MOSPD2: variants seen among roughly 807,000 people sequenced by gnomAD.
The protein encoded by MOSPD2 is motile sperm domain-containing protein 2.
In MOSPD2, 5 loss-of-function variants were observed where a neutral mutation model predicts 41.7. That is an observed-to-expected ratio of 0.12 (90% CI 0.06 to 0.25). The LOEUF is 0.25. Ranked by LOEUF, MOSPD2 falls within the 10% of genes least tolerant of loss-of-function variation. The pLI is 1.00. For missense variants in MOSPD2, 282 were observed against 375.2 expected, an observed-to-expected ratio of 0.75 and a Z score of 2.05; for synonymous variants, 115 against 126.9, an observed-to-expected ratio of 0.91 and a Z score of 0.63.
chrX:14,874,046 G>T, intron 2 of MOSPD2: 1 of 357,331 alleles, frequency 2.8e-6, no homozygotes, highest in Non-Finnish European at 4.9e-6. Flanking sequence ...TACTTGTTAG[G>T]CCCACAACAC....
chrX:14,916,398 C>A, intron 13 of MOSPD2, 72 bp downstream of exon 13: 1 of 1,179,999 alleles, frequency 8.5e-7, no homozygotes, highest in South Asian at 1.9e-5. Context: ...CTCCATGGAC[C>A]AGGTGGCCTC....
intron 6 of MOSPD2, among the ~76,000 whole-genome samples, chrX:14,901,513 T>A (rs1400146458): frequency 9.0e-6 from 1 of 111,428 alleles, no homozygotes; most frequent in East Asian, 2.8e-4. Flanking sequence ...AAGTGAGGAA[T>A]AGACAAAAAG....
chrX:14,919,567 G>A, intron 14 of MOSPD2, 105 bp from the exon 15 acceptor site: 1 of 616,118 alleles, frequency 1.6e-6, no homozygotes, highest in Non-Finnish European at 2.6e-6. Context: ...AGAGTAGTGG[G>A]CCCCATCCTT....
rs767688089 is a variant in MOSPD2 at position 14,900,590 on chromosome X, C to T, written c.493C>T (p.Arg165Cys). Residue 165 changes from arginine to cysteine, a missense_variant, in exon 6 of 15, where the codon CGC becomes TGC. Coordinates refer to ENST00000380492, the MANE Select transcript of MOSPD2 (RefSeq NM_152581.4). The part of the protein sequence containing the change: ...GINSIDMDFV[R>C]FIINCFKVYY... ...TTTATTTTAGGACATGGACTTTGTACGCTTTATCATCAACTGCTTTAAGGT... is the reference window on the plus strand; with the variant it reads ...TTTATTTTAGGACATGGACTTTGTATGCTTTATCATCAACTGCTTTAAGGT... 8 of 1,131,627 alleles carry T rather than the reference C, an allele frequency of 7.1e-6. No homozygotes were observed. Among genetic ancestry groups the T allele is most frequent in the Admixed American group, 2.4e-5 (1 of 41,192 alleles). The allele number at this position is 1,131,627 out of a possible 1,213,427, so 93.3% of individuals were successfully genotyped here. A position where few individuals can be genotyped will look rare whatever the true frequency, so the allele number is the denominator to read the frequency against.
chrX:14,920,534 GAA>G lies in MOSPD2; in HGVS notation c.*728_*729del. ...TGAATTCTGTTAGTAATGCCCAAAA[GAA>G]AAGTCTCAAGCAGTCCCCCTATCCA... On this transcript the variant is annotated 3_prime_UTR_variant, in exon 15 of 15. Transcript: ENST00000380492. 1.3e-6 allele frequency: 1 copy of G among 754,229 alleles called. No homozygotes were observed. Among genetic ancestry groups the G allele is most frequent in the Non-Finnish European group, 1.6e-6 (1 of 639,217 alleles). The allele number at this position is 754,229 out of a possible 1,213,427, so 62.2% of individuals were successfully genotyped here.
intron 2 of MOSPD2, among the ~76,000 whole-genome samples, chrX:14,877,936 C>A (rs2092524292): frequency 9.3e-6 from 1 of 107,156 alleles, no homozygotes; most frequent in African/African-American, 3.4e-5. Flanking sequence ...ACAGATCACA[C>A]CACTGCACTC....
intron 2 of MOSPD2, among the ~76,000 whole-genome samples, chrX:14,880,575 C>T (rs776950444): frequency 1.8e-5 from 2 of 111,771 alleles, no homozygotes; most frequent in African/African-American, 3.2e-5. Flanking sequence ...TAGCTCTGAA[C>T]ATGTCACCAT....
At chrX:14,881,660 G>A (rs1182189084) in intron 2 of MOSPD2, among the ~76,000 whole-genome samples, 1 of 111,678 alleles carries the variant, frequency 9.0e-6, no homozygotes, top group African/African-American at 3.3e-5. Context: ...AAGTGAGGAA[G>A]CCTTTAAAAG....
intron 2 of MOSPD2, among the ~76,000 whole-genome samples, chrX:14,875,236 A>T (rs12844914): frequency 8.9e-6 from 1 of 112,372 alleles, no homozygotes; most frequent in Non-Finnish European, 1.9e-5. Flanking sequence ...CACTACAGTA[A>T]TCTTTTGGCA....
At chrX:14,873,577 G>A in intron 1 of MOSPD2, 40 bp downstream of exon 1, 3 of 1,211,532 alleles carry the variant, frequency 2.5e-6, no homozygotes, top group Non-Finnish European at 3.4e-6. Context: ...CCCCGGACCC[G>A]GAAGCCGCCT....
intron 3 of MOSPD2, 64 bp downstream of exon 3, chrX:14,892,942 A>T (rs1202738174): frequency 1.2e-6 from 1 of 833,380 alleles, no homozygotes; most frequent in Non-Finnish European, 1.7e-6. Flanking sequence ...TTTTACATTT[A>T]TCTAATCATG....
intron 2 of MOSPD2, among the ~76,000 whole-genome samples, chrX:14,888,557 C>G: frequency 9.0e-6 from 1 of 111,387 alleles, no homozygotes; most frequent in East Asian, 2.8e-4. Context: ...CCATGTGGAA[C>G]TGTAAGTCCA....
intron 2 of MOSPD2, among the ~76,000 whole-genome samples, chrX:14,883,665 C>T (rs1042103493): frequency 2.7e-5 from 3 of 111,974 alleles, no homozygotes; most frequent in Non-Finnish European, 3.8e-5. Context: ...ATAGGACATT[C>T]ACAGACTATT....
chrX:14,882,994 A>G (rs928600342), intron 2 of MOSPD2, among the ~76,000 whole-genome samples: 6 of 110,783 alleles, frequency 5.4e-5, no homozygotes, highest in Non-Finnish European at 9.5e-5. Context: ...CAGAAGTTCA[A>G]GACCAGCCTG....
chrX:14,900,607 CT>C lies in MOSPD2; in HGVS notation c.513del (p.Phe171LeufsTer12). Reference protein sequence around the residue: ...MDFVRFIINCFKVYYPKYLSK... With the variant: ...MDFVRFIINCXKVYYPKYLSK... ...ACTTTGTACGCTTTATCATCAACTGCTTTAAGGTTTATTACCCTAAATACCT... is the reference window on the plus strand; with the variant it reads ...ACTTTGTACGCTTTATCATCAACTGCTTAAGGTTTATTACCCTAAATACCT... On this transcript the variant is annotated frameshift_variant, in exon 6 of 15. Transcript: ENST00000380492. LOFTEE classifies it high-confidence loss of function. The C allele has an allele frequency of 8.8e-7, 1 of 1,130,493 alleles. No homozygotes were observed. The highest frequency in any genetic ancestry group is 1.2e-6 in the Non-Finnish European group (1 of 836,607). The allele number at this position is 1,130,493 out of a possible 1,213,427, so 93.2% of individuals were successfully genotyped here. A position where few individuals can be genotyped will look rare whatever the true frequency, so the allele number is the denominator to read the frequency against.
intron 12 of MOSPD2, among the ~76,000 whole-genome samples, chrX:14,915,966 G>A (rs2092599671): frequency 1.8e-5 from 2 of 112,637 alleles, no homozygotes; most frequent in Admixed American, 1.9e-4. Flanking sequence ...GCCCTTTCCA[G>A]CATTAAAATG....
At chrX:14,882,968 G>T (rs773795875) in intron 2 of MOSPD2, among the ~76,000 whole-genome samples, 1 of 111,112 alleles carries the variant, frequency 9.0e-6, no homozygotes, top group African/African-American at 3.3e-5. Context: ...AGGCCAAGGC[G>T]GGTGGATCAC....
At position 14,882,935 on chromosome X, in the gene MOSPD2, G is replaced by A. The variant is rs775262767; in HGVS notation, c.79+9177G>A. Among the ~76,000 whole-genome samples, 8 of 110,995 alleles carry A rather than the reference G, an allele frequency of 7.2e-5. No individual in the cohort carries two copies. In the East Asian group the frequency reaches 8.5e-4, roughly 12 times the overall value. On this transcript the variant is annotated intron_variant, in intron 2 of 14. Coordinates refer to ENST00000380492, the MANE Select transcript of MOSPD2 (RefSeq NM_152581.4). ...CTAGGTGCTGGGCGCTGTGGCTCAC[G>A]CCTGGAATCCCAGCACTTTGGGAGG...
intron 2 of MOSPD2, among the ~76,000 whole-genome samples, chrX:14,881,645 T>C (rs1005321915): frequency 9.0e-6 from 1 of 111,648 alleles, no homozygotes; most frequent in Non-Finnish European, 1.9e-5. Context: ...GTTATTATTA[T>C]TTCCAAGTGA....
Sources: gnomAD v4.1 joint callset for allele counts (sites outside exome capture counted in the v4.1 genomes callset) on GRCh38, gnomAD v4.1.1 for gene constraint, MANE v1.5 for transcripts, NCBI Gene and HGNC (gene_info 2026-07-23, HGNC 2026-07-21) for gene names.